Variants in GPHN observed in about 807,000 individuals in gnomAD.
GPHN encodes gephyrin.
In GPHN, 17 loss-of-function variants were observed where a neutral mutation model predicts 95.5. That is an observed-to-expected ratio of 0.18 (90% confidence interval 0.12 to 0.27). The LOEUF is 0.27. GPHN is among the 10% of genes least tolerant of loss of function. GPHN has a pLI of 1.00. For synonymous variants in GPHN, 320 were observed against 322.5 expected (o/e 0.99, Z 0.08); for missense variants, 660 against 978.1 (o/e 0.67, Z 4.34).
chr14:67,003,498 G>C (rs2072385766), intron 9 of GPHN, among the ~76,000 whole-genome samples: 1 of 151,540 alleles, frequency 6.6e-6, no homozygotes, highest in South Asian at 2.1e-4. Flanking sequence ...GACAAATTCT[G>C]AGTTGCAATG....
chr14:67,500,221 A>G, the GPHN span, among the ~76,000 whole-genome samples: 1 of 152,106 alleles, frequency 6.6e-6, no homozygotes, highest in Non-Finnish European at 1.5e-5. Flanking sequence ...TATACCTGTA[A>G]TCCCAGCACT....
the GPHN span, chr14:67,691,120 G>A: frequency 2.6e-6 from 4 of 1,562,188 alleles, no homozygotes; most frequent in Admixed American, 6.7e-5. Context: ...CTAGCTTTGT[G>A]ATAAGGCCAG....
chr14:67,144,262 T>A (rs866779982), intron 18 of GPHN, among the ~76,000 whole-genome samples: 14 of 82,010 alleles, frequency 1.7e-4, no homozygotes, highest in Non-Finnish European at 2.1e-4. Context: ...TATATATATA[T>A]ATATATATAT....
At chr14:67,018,779 A>C (rs554377600) in intron 9 of GPHN, among the ~76,000 whole-genome samples, 1 of 152,194 alleles carries the variant, frequency 6.6e-6, no homozygotes, top group Non-Finnish European at 1.5e-5. Context: ...TTTCATTTTT[A>C]TAGCTTAAAA....
chr14:66,912,575 TC>T (rs1246228829), intron 5 of GPHN, among the ~76,000 whole-genome samples: 1 of 152,176 alleles, frequency 6.6e-6, no homozygotes, highest in East Asian at 1.9e-4. Context: ...TATCAGACTT[TC>T]TTTTCTTTAT....
chr14:67,358,597 G>A, the GPHN span, among the ~76,000 whole-genome samples: 3 of 152,180 alleles, frequency 2.0e-5, no homozygotes, highest in African/African-American at 7.2e-5. Context: ...CCGCCAGGGA[G>A]GCTGAGGCCG....
chr14:67,217,399 A>C, the GPHN span, among the ~76,000 whole-genome samples: 1 of 152,232 alleles, frequency 6.6e-6, no homozygotes, highest in South Asian at 2.1e-4. Context: ...ATTTTAATCT[A>C]TTTACATTTA....
At chr14:67,379,956 A>G in the GPHN span, among the ~76,000 whole-genome samples, 2 of 151,978 alleles carry the variant, frequency 1.3e-5, no homozygotes, top group Admixed American at 6.5e-5. Context: ...AGGTCTTGCT[A>G]TGTTGCCTAG....
At chr14:67,116,475 G>A (rs892473884) in intron 16 of GPHN, among the ~76,000 whole-genome samples, 1 of 152,030 alleles carries the variant, frequency 6.6e-6, no homozygotes, top group Non-Finnish European at 1.5e-5. Flanking sequence ...AATTATTCAT[G>A]TAACCAGATA....
chr14:67,131,464 A>T (rs974212743), intron 17 of GPHN, among the ~76,000 whole-genome samples: 6 of 152,278 alleles, frequency 3.9e-5, no homozygotes, highest in African/African-American at 1.2e-4. Context: ...AGAAACTTTC[A>T]ATTATACAAC....
chr14:66,730,793 T>C (rs549167079), intron 2 of GPHN, among the ~76,000 whole-genome samples: 104 of 152,324 alleles, frequency 6.8e-4, no homozygotes, highest in African/African-American at 2.2e-3. Flanking sequence ...AAGTATCAAA[T>C]GTTCAGTAAA....
chr14:67,693,081 T>G, the GPHN span: 1 of 1,507,688 alleles, frequency 6.6e-7, no homozygotes, highest in African/African-American at 1.4e-5. Flanking sequence ...AGCTCATCAA[T>G]TCTTCATTCT....
At chr14:67,169,824 G>A (rs1341632365) in intron 21 of GPHN, among the ~76,000 whole-genome samples, 1 of 152,232 alleles carries the variant, frequency 6.6e-6, no homozygotes, top group Admixed American at 6.5e-5. Context: ...CGCCTGTAAT[G>A]CCAGCACTTC....
the GPHN span, among the ~76,000 whole-genome samples, chr14:67,599,209 G>C: frequency 6.6e-6 from 1 of 152,184 alleles, no homozygotes; most frequent in African/African-American, 2.4e-5. Flanking sequence ...GATCACTTCT[G>C]GGATAATACA....
chr14:67,235,596 T>G, the GPHN span, among the ~76,000 whole-genome samples: 3 of 151,964 alleles, frequency 2.0e-5, no homozygotes, highest in Admixed American at 6.6e-5. Context: ...GCACCTGTAG[T>G]CCCAGCTACT....
intron 18 of GPHN, 138 bp from the exon 19 acceptor site, chr14:67,159,277 G>A: frequency 1.4e-6 from 1 of 693,410 alleles, no homozygotes; most frequent in Non-Finnish European, 2.6e-6. Flanking sequence ...GAATATTTGT[G>A]TTAAGCAAAT....
At chr14:67,716,717 C>T in the GPHN span, among the ~76,000 whole-genome samples, 1 of 152,028 alleles carries the variant, frequency 6.6e-6, no homozygotes, top group Non-Finnish European at 1.5e-5. Flanking sequence ...AACCCCATCT[C>T]TACTGAAAAT....
At chr14:67,439,581 C>CTTTCT in the GPHN span, among the ~76,000 whole-genome samples, 1 of 118,446 alleles carries the variant, frequency 8.4e-6, no homozygotes, top group Non-Finnish European at 1.7e-5. Context: ...TTCTTTCTTT[C>CTTTCT]TTTCTTTCTT....
the GPHN span, among the ~76,000 whole-genome samples, chr14:67,700,969 A>G: frequency 4.8e-5 from 7 of 146,936 alleles, no homozygotes; most frequent in Non-Finnish European, 8.9e-5. Context: ...GGTTGCAGTA[A>G]GCGGAGATCT....
Sources: gnomAD v4.1 joint callset for allele counts (sites outside exome capture counted in the v4.1 genomes callset) on GRCh38, gnomAD v4.1.1 for gene constraint, MANE v1.5 for transcripts, NCBI Gene and HGNC (gene_info 2026-07-23, HGNC 2026-07-21) for gene names.